TBC1D9: variants seen among roughly 807,000 people sequenced by gnomAD.
TBC1D9 encodes TBC1 domain family member 9, also known as TBC1 domain family member 9A.
A neutral mutation model predicts 132.0 loss-of-function variants in TBC1D9; 63 were observed. The observed-to-expected ratio is 0.48, with a 90% CI of 0.39 to 0.59. The LOEUF (loss-of-function observed/expected upper bound fraction) is 0.59. Ranked by LOEUF, TBC1D9 falls within the 20% of genes least tolerant of loss-of-function variation. The pLI, the probability that TBC1D9 is intolerant of heterozygous loss-of-function variation, is 0.00. For missense variants in TBC1D9, 1,261 were observed against 1,592.7 expected (o/e 0.79, Z 3.54); for synonymous variants, 610 against 609.9 (o/e 1.00, Z 0.00).
chr4:140,690,846 G>A (rs915477799), intron 2 of TBC1D9, among the ~76,000 whole-genome samples: 3 of 152,054 alleles, frequency 2.0e-5, no homozygotes, highest in African/African-American at 4.8e-5. Flanking sequence ...AGAACTTTGT[G>A]TATTATTATA....
At chr4:140,650,076 A>C (rs1431000074) in intron 13 of TBC1D9, among the ~76,000 whole-genome samples, 2 of 152,266 alleles carry the variant, frequency 1.3e-5, no homozygotes, top group East Asian at 3.8e-4. Context: ...AATTACAAAA[A>C]ACATTTAGTT....
chr4:140,668,805 C>T (rs1445525701), intron 9 of TBC1D9, 112 bp downstream of exon 9: 2 of 1,091,690 alleles, frequency 1.8e-6, no homozygotes, highest in African/African-American at 1.6e-5. Context: ...TAGCTTTCAA[C>T]TGGGGGATGC....
intron 1 of TBC1D9, among the ~76,000 whole-genome samples, chr4:140,751,976 G>A (rs1030484876): frequency 1.3e-5 from 2 of 152,196 alleles, no homozygotes; most frequent in Non-Finnish European, 2.9e-5. Context: ...ATATGCTGCT[G>A]GTGGGAGTAT....
chr4:140,682,279 A>G (rs1178911672), intron 3 of TBC1D9, among the ~76,000 whole-genome samples: 2 of 152,196 alleles, frequency 1.3e-5, no homozygotes, highest in East Asian at 1.9e-4. Context: ...TATCTAACAT[A>G]AGGATATTTT....
At chr4:140,680,585 T>C (rs1737688233) in intron 3 of TBC1D9, among the ~76,000 whole-genome samples, 1 of 152,198 alleles carries the variant, frequency 6.6e-6, no homozygotes, top group South Asian at 2.1e-4. Context: ...TTTGACTTTG[T>C]AATCCTCAAA....
intron 13 of TBC1D9, chr4:140,643,227 T>A: frequency 7.4e-7 from 1 of 1,344,194 alleles, no homozygotes; most frequent in South Asian, 1.3e-5. Context: ...ACCTCCCACC[T>A]TCTTGCTCCT....
intron 13 of TBC1D9, among the ~76,000 whole-genome samples, chr4:140,654,992 T>C (rs1737243687): frequency 6.6e-6 from 1 of 152,106 alleles, no homozygotes; most frequent in Admixed American, 6.5e-5. Flanking sequence ...TAAATTTTGT[T>C]ACCTCATTAA....
intron 18 of TBC1D9, 79 bp downstream of exon 18, chr4:140,627,362 T>C: frequency 1.1e-6 from 1 of 883,736 alleles, no homozygotes; most frequent in Non-Finnish European, 1.8e-6. Flanking sequence ...TTGACTAGCT[T>C]TGGAGGCAAG....
Position 140,642,206 on chromosome 4 carries a change from C to T in TBC1D9, c.2338-2778G>A. ...TGGAGCTAGCCGGAGGGGCCTTGGG[C>T]GGGCCACTCTCCTTCAGGAATTCTT... On this transcript the variant is annotated intron_variant, in intron 13 of 20. Transcript: ENST00000442267. 5.4e-6 allele frequency: 4 copies of T among 744,228 alleles called. 1 individual carries two copies. The highest frequency in any genetic ancestry group is 4.5e-5 in the South Asian group (3 of 66,902). The allele number at this position is 744,228 out of a possible 1,614,324, so 46.1% of individuals were successfully genotyped here.
chr4:140,651,017 T>C (rs1309522671), intron 13 of TBC1D9, among the ~76,000 whole-genome samples: 1 of 152,192 alleles, frequency 6.6e-6, no homozygotes, highest in Non-Finnish European at 1.5e-5. Context: ...ATCTTCTTCA[T>C]CAGCAATATA....
In TBC1D9 at chr4:140,669,812, T is replaced by C. The variant is rs1431639762; in HGVS notation, c.1267-8A>G. 3 of 1,607,608 alleles carry C rather than the reference T, an allele frequency of 1.9e-6. No homozygotes were observed. The highest frequency in any genetic ancestry group is 2.6e-6 in the Non-Finnish European group (3 of 1,174,828). On this transcript the variant is annotated splice_region_variant and splice_polypyrimidine_tract_variant and intron_variant, in intron 7 of 20. Transcript: ENST00000442267. ...GCTGGGTCGAGAGTACACCTGTCAA[T>C]ACAGAGAGGAACAAGACATTGGGAG... is the stretch of plus-strand genomic sequence containing the variant.
At chr4:140,701,337 G>A (rs1738065753) in intron 2 of TBC1D9, among the ~76,000 whole-genome samples, 167 bp downstream of exon 2, 1 of 152,230 alleles carries the variant, frequency 6.6e-6, no homozygotes, top group East Asian at 1.9e-4. Context: ...CTTTCATTGT[G>A]TTAAGCCACT....
At chr4:140,729,582 G>A (rs928741614) in intron 1 of TBC1D9, among the ~76,000 whole-genome samples, 1 of 152,048 alleles carries the variant, frequency 6.6e-6, no homozygotes, top group African/African-American at 2.4e-5. Context: ...CCTTTTGGGA[G>A]GGTAAGGCAG....
At chr4:140,657,866 C>T in intron 11 of TBC1D9, 54 bp from the exon 12 acceptor site, 1 of 1,545,736 alleles carries the variant, frequency 6.5e-7, no homozygotes, top group South Asian at 1.3e-5. Context: ...CACAGTGTAA[C>T]TAAAGAATCC....
At chr4:140,747,255 G>A (rs1738851067) in intron 1 of TBC1D9, among the ~76,000 whole-genome samples, 1 of 151,992 alleles carries the variant, frequency 6.6e-6, no homozygotes, top group Non-Finnish European at 1.5e-5. Context: ...GGGAGGCTGA[G>A]GTAGGAGAAT....
At chr4:140,659,341 CA>C (rs2110998731) in intron 11 of TBC1D9, 1 of 304,808 alleles carries the variant, frequency 3.3e-6, no homozygotes, top group East Asian at 5.1e-5. Context: ...GAGTGACACA[CA>C]CACATGAAAT....
chr4:140,646,599 A>C (rs1278892834), intron 13 of TBC1D9, among the ~76,000 whole-genome samples: 3 of 152,284 alleles, frequency 2.0e-5, no homozygotes, highest in African/African-American at 7.2e-5. Context: ...CCTAAGTTGG[A>C]GTTTACAGCA....
At chr4:140,742,984 AAAGG>A in intron 1 of TBC1D9, among the ~76,000 whole-genome samples, 1 of 151,938 alleles carries the variant, frequency 6.6e-6, no homozygotes, top group East Asian at 1.9e-4. Flanking sequence ...GAAGGGAGGA[AAAGG>A]AAGGGAAGGA....
At chr4:140,704,400 C>CAAACAA (rs1738118865) in intron 1 of TBC1D9, among the ~76,000 whole-genome samples, 1 of 46,488 alleles carries the variant, frequency 2.2e-5, no homozygotes. Flanking sequence ...GACTCTGTCT[C>CAAACAA]AAACAAACAA....
Sources: allele counts gnomAD v4.1 joint callset (sites outside exome capture counted in the v4.1 genomes callset), GRCh38; gene constraint gnomAD v4.1.1; transcripts MANE v1.5; gene names NCBI Gene and HGNC (gene_info 2026-07-23, HGNC 2026-07-21).